Variants in SUGCT observed in about 807,000 individuals in gnomAD.
SUGCT encodes the protein succinyl-CoA:glutarate-CoA transferase, also known as succinyl-CoA:glutarate CoA-transferase.
In SUGCT, 41 loss-of-function variants were observed where a neutral mutation model predicts 55.0. The ratio of observed to expected loss-of-function variants is 0.74; its 90% CI spans 0.58 to 0.97. The LOEUF (loss-of-function observed/expected upper bound fraction) is 0.97. Ranked by LOEUF, SUGCT falls within the 50% of genes least tolerant of loss-of-function variation. The pLI is 0.00. For synonymous variants in SUGCT, 187 were observed against 200.4 expected (o/e 0.93, Z 0.56); for missense variants, 568 against 547.8 (o/e 1.04, Z -0.37).
rs1198859806 is a variant in SUGCT, at chr7:40,711,940, C to T, written c.1090-37494C>T. 2.6e-5 allele frequency among the ~76,000 whole-genome samples: 4 copies of T among 152,166 alleles called. No individual in the cohort carries two copies. The East Asian group carries it at 5.8e-4, about 22-fold the overall frequency. On this transcript the variant is annotated intron_variant, in intron 12 of 13. Coordinates refer to ENST00000335693, the MANE Select transcript of SUGCT (RefSeq NM_001193313.2). ...CCTGCGCTTAGGTAGCACTTAACAG[C>T]GTGGCAGAGGTGTTCACATCCTCAC...
At chr7:40,822,802 G>A (rs1178079679) in intron 13 of SUGCT, among the ~76,000 whole-genome samples, 1 of 152,086 alleles carries the variant, frequency 6.6e-6, no homozygotes, top group African/African-American at 2.4e-5. Context: ...ATATGGGGAA[G>A]GAATAAATTG....
chr7:40,458,135 G>T (rs1281076289), intron 10 of SUGCT, among the ~76,000 whole-genome samples: 1 of 152,124 alleles, frequency 6.6e-6, no homozygotes, highest in Non-Finnish European at 1.5e-5. Context: ...TTAATAGATA[G>T]ATTTTATTTA....
intron 12 of SUGCT, among the ~76,000 whole-genome samples, chr7:40,691,687 A>G (rs1244594001): frequency 6.6e-6 from 1 of 152,198 alleles, no homozygotes; most frequent in Non-Finnish European, 1.5e-5. Context: ...ATAGTATTCA[A>G]GTCAAATGGA....
chr7:40,449,147 T>C, intron 9 of SUGCT, 140 bp from the exon 10 acceptor site: 1 of 602,220 alleles, frequency 1.7e-6, no homozygotes, highest in East Asian at 2.8e-5. Flanking sequence ...TATACATATA[T>C]GAAAAAGATA....
intron 12 of SUGCT, among the ~76,000 whole-genome samples, chr7:40,725,523 A>C (rs939931114): frequency 4.6e-5 from 7 of 151,574 alleles, no homozygotes; most frequent in Admixed American, 2.0e-4. Flanking sequence ...TAGGTGGCCA[A>C]CATAACACAT....
chr7:40,647,740 A>G (rs1326458615), intron 12 of SUGCT, among the ~76,000 whole-genome samples: 1 of 151,786 alleles, frequency 6.6e-6, no homozygotes, highest in East Asian at 1.9e-4. Context: ...AATCCCAGCT[A>G]CTCGGTAGGC....
At chr7:40,325,763 A>G (rs1175520715) in intron 9 of SUGCT, among the ~76,000 whole-genome samples, 1 of 152,154 alleles carries the variant, frequency 6.6e-6, no homozygotes, top group Non-Finnish European at 1.5e-5. Flanking sequence ...CTGCGATTGC[A>G]CCATTGCACT....
At chr7:40,823,738 G>T (rs1344637318) in intron 13 of SUGCT, among the ~76,000 whole-genome samples, 1 of 151,986 alleles carries the variant, frequency 6.6e-6, no homozygotes, top group Non-Finnish European at 1.5e-5. Flanking sequence ...TATTTGAAAA[G>T]AAATTAAGAG....
intron 1 of SUGCT, among the ~76,000 whole-genome samples, chr7:40,151,171 C>A (rs921658613): frequency 1.3e-5 from 2 of 152,104 alleles, no homozygotes; most frequent in African/African-American, 4.8e-5. Context: ...ACCCGGGAGG[C>A]GGAGGTTGTA....
chr7:40,607,896 A>G (rs892906209), intron 12 of SUGCT, among the ~76,000 whole-genome samples: 4 of 152,178 alleles, frequency 2.6e-5, no homozygotes, highest in Non-Finnish European at 5.9e-5. Flanking sequence ...TTTCTACCTG[A>G]TACTGCTGCT....
intron 6 of SUGCT, among the ~76,000 whole-genome samples, chr7:40,198,561 T>C (rs1253410971): frequency 6.6e-6 from 1 of 152,174 alleles, no homozygotes; most frequent in African/African-American, 2.4e-5. Flanking sequence ...ATCTCTTTTT[T>C]TAAAATTTGA....
chr7:40,885,760 A>C, the SUGCT span, among the ~76,000 whole-genome samples: 1 of 152,124 alleles, frequency 6.6e-6, no homozygotes, highest in Non-Finnish European at 1.5e-5. Flanking sequence ...TTTCATCCCA[A>C]GCTGAGGCCA....
At chr7:40,585,711 A>G (rs1247430523) in intron 12 of SUGCT, among the ~76,000 whole-genome samples, 2 of 151,802 alleles carry the variant, frequency 1.3e-5, no homozygotes, top group Non-Finnish European at 2.9e-5. Flanking sequence ...ACGGGATCTC[A>G]CTCTGGCACC....
intron 13 of SUGCT, among the ~76,000 whole-genome samples, chr7:40,803,632 T>C (rs150410881): frequency 1.7e-3 from 260 of 152,234 alleles, no homozygotes; most frequent in African/African-American, 5.9e-3. Context: ...TTTTGAACAA[T>C]TAAAAATAAT....
intron 12 of SUGCT, among the ~76,000 whole-genome samples, chr7:40,659,030 C>A: frequency 6.6e-6 from 1 of 152,146 alleles, no homozygotes; most frequent in East Asian, 1.9e-4. Flanking sequence ...GCTCTCATTT[C>A]TGGAAGTTTC....
chr7:40,595,415 G>A (rs1225235360), intron 12 of SUGCT, among the ~76,000 whole-genome samples: 1 of 152,140 alleles, frequency 6.6e-6, no homozygotes, highest in East Asian at 1.9e-4. Flanking sequence ...GTCGAATAGA[G>A]TCAGTGAAAG....
chr7:41,037,018 A>G, the SUGCT span, among the ~76,000 whole-genome samples: 1 of 152,208 alleles, frequency 6.6e-6, no homozygotes, highest in African/African-American at 2.4e-5. Flanking sequence ...AACCTGGGAC[A>G]AGTGACTTCG....
At chr7:40,675,471 A>G (rs1783926023) in intron 12 of SUGCT, among the ~76,000 whole-genome samples, 1 of 152,262 alleles carries the variant, frequency 6.6e-6, no homozygotes. Flanking sequence ...GAGAATGAGT[A>G]GTTAACTGTG....
intron 1 of SUGCT, among the ~76,000 whole-genome samples, chr7:40,170,122 C>T (rs1447486761): frequency 6.6e-6 from 1 of 152,152 alleles, no homozygotes; most frequent in African/African-American, 2.4e-5. Flanking sequence ...TGTTCTGATT[C>T]TGTGTCCCAA....
Sources: allele counts gnomAD v4.1 joint callset (sites outside exome capture counted in the v4.1 genomes callset), GRCh38; gene constraint gnomAD v4.1.1; transcripts MANE v1.5; gene names NCBI Gene and HGNC (gene_info 2026-07-23, HGNC 2026-07-21).